Variants in COL25A1 observed in about 807,000 individuals in gnomAD.
The protein encoded by COL25A1 is collagen type XXV alpha 1 chain.
A neutral mutation model predicts 128.4 loss-of-function variants in COL25A1; 103 were observed. That is an observed-to-expected ratio of 0.80 (90% CI 0.68 to 0.94). The LOEUF is 0.94. Among genes scored for constraint, COL25A1 ranks in the 40% least tolerant of loss-of-function variants. COL25A1 has a pLI of 0.00. For synonymous variants in COL25A1, 279 were observed against 277.2 expected (o/e 1.01, Z -0.06); for missense variants, 745 against 840.0 (o/e 0.89, Z 1.40).
chr4:108,863,760 G>A (rs1737549696), intron 20 of COL25A1, among the ~76,000 whole-genome samples: 2 of 152,170 alleles, frequency 1.3e-5, no homozygotes, highest in Non-Finnish European at 2.9e-5. Context: ...GATAGAAGAG[G>A]AAAGGCAAAC....
intron 37 of COL25A1, among the ~76,000 whole-genome samples, chr4:108,816,005 T>G (rs13141549): frequency 0.5 from 76,394 of 151,886 alleles, 19,917 homozygotes; most frequent in Middle Eastern, 0.64. Flanking sequence ...AGGTTAGAGA[T>G]TAAGTGGTAA....
intron 28 of COL25A1, among the ~76,000 whole-genome samples, chr4:108,845,752 G>A (rs1578522440): frequency 6.6e-6 from 1 of 152,132 alleles, no homozygotes; most frequent in Non-Finnish European, 1.5e-5. Context: ...CATACACACA[G>A]AGGACACTTT....
chr4:108,889,415 G>T (rs369216882), intron 17 of COL25A1, among the ~76,000 whole-genome samples, 159 bp from the exon 18 acceptor site: 1 of 118,664 alleles, frequency 8.4e-6, no homozygotes, highest in Non-Finnish European at 1.7e-5. Context: ...CTAGACATAC[G>T]GATTTTTTTT....
At chr4:109,115,990 A>G (rs1445910462) in intron 3 of COL25A1, among the ~76,000 whole-genome samples, 1 of 152,018 alleles carries the variant, frequency 6.6e-6, no homozygotes, top group East Asian at 1.9e-4. Flanking sequence ...AGGACAAATC[A>G]CGGCTCCAAA....
In COL25A1 at chr4:108,998,229, G is replaced by A. The variant is rs185039027; in HGVS notation, c.438+12129C>T. On this transcript the variant is annotated intron_variant, in intron 6 of 37. Coordinates refer to ENST00000399132, the MANE Select transcript of COL25A1 (RefSeq NM_198721.4). ...AGTTGTATATTTAGAAAACCCCATC[G>A]TCTCAGCCCCAAATTTCCTTAAGCT... 6.6e-4 allele frequency among the ~76,000 whole-genome samples: 101 copies of A among 152,226 alleles called. 2 individuals carry two copies. In the East Asian group the frequency reaches 8.3e-3, roughly 13 times the overall value.
intron 3 of COL25A1, among the ~76,000 whole-genome samples, chr4:109,239,508 T>C (rs947138884): frequency 2.8e-4 from 42 of 150,532 alleles, no homozygotes; most frequent in Admixed American, 1.1e-3. Context: ...ATGGTATTTG[T>C]ATGTCTCAAC....
In COL25A1 at chr4:109,065,596, G is replaced by A. The variant is rs1040526379; in HGVS notation, c.368-15417C>T. 4.0e-5 allele frequency among the ~76,000 whole-genome samples: 6 copies of A among 151,612 alleles called. 1 individual carries two copies. The highest frequency in any genetic ancestry group is 2.0e-4 in the Admixed American group (3 of 15,188). ...TGTGTGTGTGTGCAGGTGCATGCAC[G>A]TGTGTTTAAGAAATAAATTTTTTCT... On this transcript the variant is annotated intron_variant, in intron 3 of 37. Coordinates refer to ENST00000399132, the MANE Select transcript of COL25A1 (RefSeq NM_198721.4).
chr4:109,041,904 A>G (rs1759937523), intron 5 of COL25A1, among the ~76,000 whole-genome samples: 1 of 152,118 alleles, frequency 6.6e-6, no homozygotes, highest in Non-Finnish European at 1.5e-5. Flanking sequence ...ATGAATTTTT[A>G]CTATGGTAAG....
rs35506597 is a variant in COL25A1 at position 108,895,938 on chromosome 4, C to CTTTT, written c.906+725_906+728dup. Among the ~76,000 whole-genome samples the CTTTT allele has an allele frequency of 2.1e-3, 147 of 70,836 alleles. 7 individuals are homozygous for CTTTT. Among genetic ancestry groups the CTTTT allele is most frequent in the East Asian group, 5.2e-3 (11 of 2,128 alleles). The allele number at this position is 70,836 out of a possible 152,430, so 46.5% of individuals were successfully genotyped here. ...ATCATTCTTAAGCCTTATAATCAAA[C>CTTTT]TTTTTTTTTTTTTTTTTTTTTTTTT... On this transcript the variant is annotated intron_variant, in intron 16 of 37. Coordinates refer to ENST00000399132, the MANE Select transcript of COL25A1 (RefSeq NM_198721.4).
rs141469703 is a variant in COL25A1 at position 109,103,703 on chromosome 4, T to C, written c.368-53524A>G. Among the ~76,000 whole-genome samples, 312 of 152,324 alleles carry C rather than the reference T, an allele frequency of 2.0e-3. 5 individuals carry two copies. The highest frequency in any genetic ancestry group is 7.2e-3 in the African/African-American group (299 of 41,568). ...ATGTTTAAAATGGAAAATGAACAAA[T>C]TGAACCTGAAGCATCTTGTCATGGA... On this transcript the variant is annotated intron_variant, in intron 3 of 37. Transcript: ENST00000399132.
intron 26 of COL25A1, 70 bp from the exon 27 acceptor site, chr4:108,848,873 A>T: frequency 8.2e-7 from 1 of 1,214,408 alleles, no homozygotes; most frequent in East Asian, 2.3e-5. Context: ...TAAAAAAACG[A>T]TGCTAGTTTG....
chr4:109,048,306 C>A (rs2125938834), intron 4 of COL25A1, 131 bp from the exon 5 acceptor site: 1 of 789,332 alleles, frequency 1.3e-6, no homozygotes, highest in Non-Finnish European at 2.0e-6. Context: ...TTTTTAAATT[C>A]ACTGATTCTT....
intron 23 of COL25A1, among the ~76,000 whole-genome samples, chr4:108,860,150 T>C (rs1737008859): frequency 6.6e-6 from 1 of 152,202 alleles, no homozygotes; most frequent in Non-Finnish European, 1.5e-5. Flanking sequence ...CTCACTCTGT[T>C]GCCCAGGCTG....
At chr4:109,208,521 T>G (rs1457143421) in intron 3 of COL25A1, among the ~76,000 whole-genome samples, 1 of 151,852 alleles carries the variant, frequency 6.6e-6, no homozygotes, top group Non-Finnish European at 1.5e-5. Flanking sequence ...CTCATTCAGA[T>G]AGTTTAAAAA....
At position 109,035,548 on chromosome 4, in the gene COL25A1, A is replaced by G. The variant is rs549417527; in HGVS notation, c.420+12620T>C. On this transcript the variant is annotated intron_variant, in intron 5 of 37. Coordinates refer to ENST00000399132, the MANE Select transcript of COL25A1 (RefSeq NM_198721.4). ...ACTTTAGTTATTGGAATTTCTAGAT[A>G]GTATTGGAAGTTCTAGAAACGAACA... is the stretch of plus-strand genomic sequence containing the variant. 6.6e-5 allele frequency among the ~76,000 whole-genome samples: 10 copies of G among 152,318 alleles called. No individual in the cohort carries two copies. In the East Asian group the frequency reaches 1.9e-3, roughly 29 times the overall value.
intron 19 of COL25A1, among the ~76,000 whole-genome samples, chr4:108,870,573 T>C (rs749486518): frequency 6.6e-6 from 1 of 152,178 alleles, no homozygotes; most frequent in Admixed American, 6.5e-5. Flanking sequence ...TCTGAAAATA[T>C]AATTTTGGGT....
intron 6 of COL25A1, among the ~76,000 whole-genome samples, chr4:108,988,917 T>G (rs756776303): frequency 2.0e-5 from 3 of 152,138 alleles, no homozygotes; most frequent in Non-Finnish European, 4.4e-5. Context: ...CATTTCTGTC[T>G]TTTCTTCCCC....
At position 108,889,690 on chromosome 4, in the gene COL25A1, G is replaced by A; in HGVS notation, c.939+11C>T. The A allele has an allele frequency of 6.2e-7, 1 of 1,612,764 alleles. No individual in the cohort carries two copies. Among genetic ancestry groups the A allele is most frequent in the Non-Finnish European group, 8.5e-7 (1 of 1,178,958 alleles). Reference sequence around the variant, plus strand: ...CTCCTGGAGTACAAATACTTGCAAGGTTATAGTTACCTTAATTCCTGCAGC... The same window carrying A: ...CTCCTGGAGTACAAATACTTGCAAGATTATAGTTACCTTAATTCCTGCAGC... On this transcript the variant is annotated intron_variant, in intron 17 of 37. Transcript: ENST00000399132.
At chr4:109,099,418 G>C (rs1765686390) in intron 3 of COL25A1, among the ~76,000 whole-genome samples, 1 of 151,842 alleles carries the variant, frequency 6.6e-6, no homozygotes, top group Admixed American at 6.6e-5. Flanking sequence ...TAAAAGAAAA[G>C]GTATAGCAAA....
Sources: gnomAD v4.1 joint callset for allele counts (sites outside exome capture counted in the v4.1 genomes callset) on GRCh38, gnomAD v4.1.1 for gene constraint, MANE v1.5 for transcripts, NCBI Gene and HGNC (gene_info 2026-07-23, HGNC 2026-07-21) for gene names.